Variants in ARID1B observed in about 807,000 individuals in gnomAD.
ARID1B encodes AT-rich interactive domain-containing protein 1B.
A neutral mutation model predicts 212.3 loss-of-function variants in ARID1B; 30 were observed. That is an observed-to-expected ratio of 0.14 (90% CI 0.11 to 0.19). ARID1B has a LOEUF of 0.19. Among genes scored for constraint, ARID1B ranks in the 10% least tolerant of loss-of-function variants. ARID1B has a pLI of 1.00. For missense variants in ARID1B, 2,891 were observed against 3,204.0 expected (o/e 0.90, Z 2.36); for synonymous variants, 1,402 against 1,301.7 (o/e 1.08, Z -1.66).
intron 8 of ARID1B, chr6:157,152,268 G>A (rs1242538722): frequency 1.3e-5 from 2 of 152,174 alleles, no homozygotes; most frequent in Non-Finnish European, 2.9e-5. Flanking sequence ...TAAATGGCAT[G>A]CATCAGAGTG....
In ARID1B at chr6:157,148,148, A is replaced by G. The variant is rs981005182; in HGVS notation, c.2762-476A>G. ...CCTTCCTGTGGGGTTTTAAAGGATG[A>G]TTTTGACCATATGTGCATGTCGTCT... is the stretch of plus-strand genomic sequence containing the variant. On this transcript the variant is annotated intron_variant, in intron 7 of 19. Coordinates refer to ENST00000636930, the MANE Select transcript of ARID1B (RefSeq NM_001374828.1). The surrounding 1 kb of genome is among the most constrained non-coding windows in gnomAD (Gnocchi z 5.6). 2.0e-5 allele frequency among the ~76,000 whole-genome samples: 3 copies of G among 151,942 alleles called. No individual in the cohort carries two copies. The highest frequency in any genetic ancestry group is 7.3e-5 in the African/African-American group (3 of 41,304).
chr6:156,809,237 G>A (rs1275099516), intron 1 of ARID1B, among the ~76,000 whole-genome samples: 2 of 152,186 alleles, frequency 1.3e-5, no homozygotes, highest in East Asian at 1.9e-4. Context: ...AAGTTAGCAC[G>A]TGAGAGCCAC....
intron 3 of ARID1B, among the ~76,000 whole-genome samples, chr6:156,934,783 C>G (rs1479867192): frequency 6.6e-6 from 1 of 151,380 alleles, no homozygotes; most frequent in Non-Finnish European, 1.5e-5. Context: ...GCTCTGGGTT[C>G]ACTCTGGGTT....
chr6:156,794,545 C>T (rs975747246), intron 1 of ARID1B, among the ~76,000 whole-genome samples: 1 of 147,346 alleles, frequency 6.8e-6, no homozygotes, highest in Non-Finnish European at 1.5e-5. Flanking sequence ...TAGTCATTCA[C>T]ATGAACCATG....
At chr6:157,005,005 C>T (rs1457201585) in intron 4 of ARID1B, among the ~76,000 whole-genome samples, 2 of 144,286 alleles carry the variant, frequency 1.4e-5, no homozygotes, top group African/African-American at 5.1e-5. Flanking sequence ...CTCCACCTCC[C>T]GGATTCAAGA....
chr6:157,161,425 GTGTGTGTATA>G (rs756707110), intron 8 of ARID1B, among the ~76,000 whole-genome samples: 1,866 of 124,414 alleles, frequency 0.015, 52 homozygotes, highest in African/African-American at 0.058. Context: ...TTTTGATTGT[GTGTGTGTATA>G]TATATATATA....
intron 4 of ARID1B, among the ~76,000 whole-genome samples, chr6:156,972,816 G>A (rs1777015807): frequency 6.6e-6 from 1 of 152,136 alleles, no homozygotes; most frequent in African/African-American, 2.4e-5. Context: ...CACCAAAAAG[G>A]TGGTCACTTT....
At chr6:156,789,018 A>G (rs1779840571) in intron 1 of ARID1B, among the ~76,000 whole-genome samples, 2 of 152,332 alleles carry the variant, frequency 1.3e-5, no homozygotes, top group East Asian at 1.9e-4. Flanking sequence ...TTCTTATGCA[A>G]AAAGACTATA....
chr6:157,002,620 TA>T (rs1778973047), intron 4 of ARID1B, among the ~76,000 whole-genome samples: 1 of 152,250 alleles, frequency 6.6e-6, no homozygotes, highest in African/African-American at 2.4e-5. Flanking sequence ...TTAAAAACAT[TA>T]AAATAATTTC....
In ARID1B at chr6:157,003,993, G is replaced by C. The variant is rs548709808; in HGVS notation, c.2247+68417G>C. On this transcript the variant is annotated intron_variant, in intron 4 of 19. Transcript: ENST00000636930. ...CTACAAAAAGGACAAAAATTAGCCC[G>C]GTGTGGTGGTGCATGCCAGCAGAGT... Among the ~76,000 whole-genome samples the C allele has an allele frequency of 2.4e-4, 37 of 151,822 alleles. No homozygotes were observed. The South Asian group carries it at 7.8e-3, about 32-fold the overall frequency.
intron 1 of ARID1B, among the ~76,000 whole-genome samples, chr6:156,810,299 G>A (rs1781470898): frequency 6.6e-6 from 1 of 152,120 alleles, no homozygotes; most frequent in Admixed American, 6.5e-5. Context: ...GATATACGTT[G>A]TGGTAGGTTC....
At chr6:157,004,776 CTTATAA>C (rs1268222254) in intron 4 of ARID1B, among the ~76,000 whole-genome samples, 1 of 151,680 alleles carries the variant, frequency 6.6e-6, no homozygotes, top group Admixed American at 6.6e-5. Flanking sequence ...TACCATATTG[CTTATAA>C]TTATGTCACT....
intron 6 of ARID1B, among the ~76,000 whole-genome samples, chr6:157,120,913 T>C (rs1583342151): frequency 6.6e-6 from 1 of 152,212 alleles, no homozygotes; most frequent in East Asian, 1.9e-4. Flanking sequence ...GATTTTGTGC[T>C]TTCCTGCATG....
chr6:157,015,615 A>G (rs781561006), intron 4 of ARID1B, among the ~76,000 whole-genome samples: 10 of 152,236 alleles, frequency 6.6e-5, no homozygotes, highest in Non-Finnish European at 1.3e-4. Flanking sequence ...AGAGCTGATC[A>G]GAGTTATTCT....
At chr6:157,167,241 A>G (rs2128291669) in intron 9 of ARID1B, 56 bp downstream of exon 9, 1 of 1,550,884 alleles carries the variant, frequency 6.4e-7, no homozygotes. Context: ...TCCTCCTCTT[A>G]GGCTCCACCA....
chr6:157,059,616 G>A (rs1299290828), intron 4 of ARID1B, among the ~76,000 whole-genome samples: 1 of 152,122 alleles, frequency 6.6e-6, no homozygotes. Flanking sequence ...GTTTTCAGTG[G>A]GCCAGGCCCT....
In ARID1B at chr6:156,826,304, C is replaced by T. The variant is rs551886904; in HGVS notation, c.1792-2923C>T. Among the ~76,000 whole-genome samples, 70 of 152,324 alleles carry T rather than the reference C, an allele frequency of 4.6e-4. 2 individuals carry two copies. In the South Asian group the frequency reaches 0.014, roughly 31 times the overall value. ...GAGCTCAGGTATTTCCTATAGGAAG[C>T]CTTTGTTAAAGCCCATGGCAGACCC... On this transcript the variant is annotated intron_variant, in intron 1 of 19. Transcript: ENST00000636930.
chr6:157,105,488 C>A (rs929336305), intron 5 of ARID1B, among the ~76,000 whole-genome samples: 4 of 152,030 alleles, frequency 2.6e-5, no homozygotes, highest in African/African-American at 9.7e-5. Context: ...AGAACGTAAG[C>A]AGAAAAATAG....
intron 4 of ARID1B, among the ~76,000 whole-genome samples, chr6:156,983,133 T>TG (rs1777712643): frequency 2.0e-5 from 3 of 150,194 alleles, no homozygotes; most frequent in Admixed American, 1.3e-4. Context: ...CCTGGCACAG[T>TG]GGCTCACGCC....
Sources: allele counts gnomAD v4.1 joint callset (sites outside exome capture counted in the v4.1 genomes callset), GRCh38; gene constraint gnomAD v4.1.1; non-coding constraint Gnocchi (gnomAD v3.1); transcripts MANE v1.5; gene names NCBI Gene and HGNC (gene_info 2026-07-23, HGNC 2026-07-21).